The following PPP3R1 variants were observed in gnomAD, a reference collection of about 807,000 sequenced individuals.
The protein encoded by PPP3R1 is calcineurin subunit B type 1.
Under a neutral mutation model 22.6 loss-of-function variants are expected in PPP3R1, and 5 were observed. That is an observed-to-expected ratio of 0.22 (90% confidence interval 0.12 to 0.46). The LOEUF (loss-of-function observed/expected upper bound fraction) is 0.46. Among genes scored for constraint, PPP3R1 ranks in the 20% least tolerant of loss-of-function variants. PPP3R1 has a pLI of 0.99. For missense variants in PPP3R1, 61 were observed against 203.2 expected (o/e 0.30, Z 4.25); for synonymous variants, 56 against 65.2 (o/e 0.86, Z 0.68).
At chr2:68,233,630 G>A (rs1042198829) in intron 1 of PPP3R1, among the ~76,000 whole-genome samples, 3 of 151,698 alleles carry the variant, frequency 2.0e-5, no homozygotes, top group Admixed American at 6.6e-5. Flanking sequence ...TTCCCAAATC[G>A]CAGTAATTTT....
intron 1 of PPP3R1, among the ~76,000 whole-genome samples, chr2:68,228,931 T>A (rs978251426): frequency 6.6e-5 from 10 of 152,136 alleles, no homozygotes; most frequent in South Asian, 2.1e-4. Flanking sequence ...TGTTTAGAGA[T>A]TTTCCAGGTA....
chr2:68,216,065 A>C (rs1417497797), intron 2 of PPP3R1, among the ~76,000 whole-genome samples: 1 of 152,150 alleles, frequency 6.6e-6, no homozygotes, highest in Non-Finnish European at 1.5e-5. Flanking sequence ...AAAACCATAG[A>C]GGGACGATCC....
At chr2:68,204,648 G>A (rs1342486851) in intron 2 of PPP3R1, among the ~76,000 whole-genome samples, 7 of 152,148 alleles carry the variant, frequency 4.6e-5, no homozygotes, top group Non-Finnish European at 1.0e-4. Flanking sequence ...AGAATTAAAA[G>A]AATTAATGTA....
intron 1 of PPP3R1, among the ~76,000 whole-genome samples, chr2:68,251,398 A>C (rs1670347745): frequency 6.6e-6 from 1 of 152,240 alleles, no homozygotes; most frequent in Non-Finnish European, 1.5e-5. Flanking sequence ...CTTGGTAGTA[A>C]CGGAAGCATG....
At chr2:68,187,968 G>C (rs1674583101) in intron 3 of PPP3R1, among the ~76,000 whole-genome samples, 1 of 152,080 alleles carries the variant, frequency 6.6e-6, no homozygotes, top group South Asian at 2.1e-4. Flanking sequence ...AGGAGTTCGA[G>C]ACCACAGCCT....
chr2:68,204,337 T>TATATATATATTCTG (rs1489368447), intron 2 of PPP3R1, among the ~76,000 whole-genome samples: 10 of 39,570 alleles, frequency 2.5e-4, no homozygotes, highest in East Asian at 1.2e-3. Flanking sequence ...ACACACACAC[T>TATATATATATTCTG]ATATATATAT....
At chr2:68,198,439 G>GTATA (rs1164008012) in intron 2 of PPP3R1, among the ~76,000 whole-genome samples, 2 of 84,888 alleles carry the variant, frequency 2.4e-5, no homozygotes. Context: ...ATATGCGTGT[G>GTATA]TATATATGTA....
intron 2 of PPP3R1, among the ~76,000 whole-genome samples, chr2:68,195,643 A>C (rs959215257): frequency 6.6e-6 from 1 of 152,096 alleles, no homozygotes; most frequent in Non-Finnish European, 1.5e-5. Flanking sequence ...CCTAATGAAA[A>C]ATTTCTTTTC....
In PPP3R1 at chr2:68,179,833, T is replaced by C. The variant is rs111963921; in HGVS notation, c.*1130A>G. On this transcript the variant is annotated 3_prime_UTR_variant, in exon 6 of 6. Transcript: ENST00000234310. ...TACAATTTTGCTCTTCTGTGGCATA[T>C]AGATTAGCAAGATTTCTCACACTTA... 6.6e-5 allele frequency: 10 copies of C among 152,342 alleles called. 1 individual carries two copies. Among genetic ancestry groups the C allele is most frequent in the South Asian group, 4.1e-4 (2 of 4,830 alleles). The allele number at this position is 152,342 out of a possible 1,614,324, so 9.4% of individuals were successfully genotyped here.
chr2:68,198,015 A>G (rs1572956294), intron 2 of PPP3R1, among the ~76,000 whole-genome samples: 1 of 143,816 alleles, frequency 7.0e-6, no homozygotes, highest in East Asian at 2.0e-4. Flanking sequence ...CCATACAGAA[A>G]TACAGCTGTT....
At chr2:68,184,627 C>T (rs1478474082) in intron 5 of PPP3R1, among the ~76,000 whole-genome samples, 1 of 152,116 alleles carries the variant, frequency 6.6e-6, no homozygotes, top group African/African-American at 2.4e-5. Flanking sequence ...AAATAACTTC[C>T]AATCTTTCAC....
rs78338781 is a variant in PPP3R1 at position 68,215,625 on chromosome 2, T to C, written c.43+1467A>G. On this transcript the variant is annotated intron_variant, in intron 2 of 5. Transcript: ENST00000234310. The stretch of plus-strand genomic sequence containing the variant: ...TGCAAAGGGATCTGAGATATGTACC[T>C]GTGAGTTTTACAGTTTCTACATAGC... Among the ~76,000 whole-genome samples, 1,052 of 152,322 alleles carry C rather than the reference T, an allele frequency of 6.9e-3. 10 individuals carry two copies. The highest frequency in any genetic ancestry group is 0.024 in the African/African-American group (980 of 41,578).
At chr2:68,200,681 T>G (rs1004440722) in intron 2 of PPP3R1, among the ~76,000 whole-genome samples, 1 of 152,216 alleles carries the variant, frequency 6.6e-6, no homozygotes, top group African/African-American at 2.4e-5. Context: ...GTTAGTTCCA[T>G]CTGAAGAGTC....
chr2:68,214,150 T>A (rs1349864098), intron 2 of PPP3R1, among the ~76,000 whole-genome samples: 1 of 152,152 alleles, frequency 6.6e-6, no homozygotes, highest in Non-Finnish European at 1.5e-5. Flanking sequence ...CAAGGTAGAT[T>A]AAAGACTTAA....
chr2:68,230,013 T>C lies in PPP3R1; in HGVS notation c.4-12882A>G, dbSNP rs528838632. Among the ~76,000 whole-genome samples the C allele has an allele frequency of 6.7e-3, 664 of 98,990 alleles. 5 individuals carry two copies. Among genetic ancestry groups the C allele is most frequent in the East Asian group, 0.037 (124 of 3,390 alleles). 64.9% of individuals were successfully genotyped at this position (98,990 alleles called of 152,430 possible). On this transcript the variant is annotated intron_variant, in intron 1 of 5. Coordinates refer to ENST00000234310, the MANE Select transcript of PPP3R1 (RefSeq NM_000945.4). ...ACACACACACACACACACACACACA[T>C]ATATATTTGGAGACAGGCTGTCACT...
Position 68,252,371 on chromosome 2 carries a change from C to G in PPP3R1, c.-244G>C. On this transcript the variant is annotated 5_prime_UTR_variant, in exon 1 of 6. Coordinates refer to ENST00000234310, the MANE Select transcript of PPP3R1 (RefSeq NM_000945.4). ...GGTCGAGATTCAGAGCCGGAGAGCG[C>G]GGGAGGAGCAGCGGCGAGAGGCAGG... 1.0e-6 allele frequency: 1 copy of G among 1,004,692 alleles called. No homozygotes were observed. The highest frequency in any genetic ancestry group is 1.2e-6 in the Non-Finnish European group (1 of 844,072). The allele number at this position is 1,004,692 out of a possible 1,614,324, so 62.2% of individuals were successfully genotyped here.
intron 1 of PPP3R1, among the ~76,000 whole-genome samples, chr2:68,222,488 T>G (rs1177427907): frequency 1.3e-5 from 2 of 152,228 alleles, no homozygotes; most frequent in Admixed American, 1.3e-4. Context: ...ATAACATCCA[T>G]CTGTCCAGCA....
In PPP3R1 at chr2:68,179,433, A is replaced by G. The variant is rs978298874; in HGVS notation, c.*1530T>C. 6.6e-6 allele frequency: 1 copy of G among 152,540 alleles called. No homozygotes were observed. Among genetic ancestry groups the G allele is most frequent in the Non-Finnish European group, 1.5e-5 (1 of 68,020 alleles). 9.4% of individuals were successfully genotyped at this position (152,540 alleles called of 1,614,324 possible). A position where few individuals can be genotyped will look rare whatever the true frequency, so the allele number is the denominator to read the frequency against. On this transcript the variant is annotated 3_prime_UTR_variant, in exon 6 of 6. Coordinates refer to ENST00000234310, the MANE Select transcript of PPP3R1 (RefSeq NM_000945.4). ...CACCAAGCACCGGGATTTTTCTCTC[A>G]CAGACAGAGCCCATGATGTGCAGCA...
chr2:68,248,151 A>G lies in PPP3R1; in HGVS notation c.3+3974T>C, dbSNP rs537517411. 1.1e-4 allele frequency among the ~76,000 whole-genome samples: 17 copies of G among 152,262 alleles called. No homozygotes were observed. In the East Asian group the frequency reaches 2.7e-3, roughly 24 times the overall value. Reference sequence around the variant, plus strand: ...GTTCTCTGGATGGCTTGTATATCTCATGCTTCCATGACTTCGAACAGAAGC... The same window carrying G: ...GTTCTCTGGATGGCTTGTATATCTCGTGCTTCCATGACTTCGAACAGAAGC... On this transcript the variant is annotated intron_variant, in intron 1 of 5. Coordinates refer to ENST00000234310, the MANE Select transcript of PPP3R1 (RefSeq NM_000945.4).
Sources: allele counts gnomAD v4.1 joint callset (sites outside exome capture counted in the v4.1 genomes callset), GRCh38; gene constraint gnomAD v4.1.1; transcripts MANE v1.5; gene names NCBI Gene and HGNC (gene_info 2026-07-23, HGNC 2026-07-21).